RASSF10: variants seen among roughly 807,000 people sequenced by gnomAD.
The protein encoded by RASSF10 is Ras association domain family member 10.
A neutral mutation model predicts 41.5 loss-of-function variants in RASSF10; 22 were observed. The observed-to-expected ratio is 0.53, with a 90% CI of 0.38 to 0.76. RASSF10 has a LOEUF of 0.76. Ranked by LOEUF, RASSF10 falls within the 30% of genes least tolerant of loss-of-function variation. The pLI is 0.00. For synonymous variants in RASSF10, 364 were observed against 319.0 expected, an observed-to-expected ratio of 1.14 and a Z score of -1.50; for missense variants, 776 against 711.8, an observed-to-expected ratio of 1.09 and a Z score of -1.03.
Position 13,010,524 on chromosome 11 carries a change from G to T in RASSF10, c.948G>T (p.Ala316=), listed in dbSNP as rs1949569701. Residue 316 remains alanine (A), a synonymous_variant, in exon 1 of 1, where the codon GCG becomes GCT. Transcript: ENST00000529419. This position sits in a 1 kb window ranked among gnomAD's most constrained non-coding sequence, Gnocchi z 4.8. ...AAPPLAGEAQ[A]AALEELARRC... Reference sequence around the variant, plus strand: ...CCCCTCTAGCCGGCGAGGCGCAGGCGGCGGCGCTGGAGGAGCTGGCCCGGC... The same window carrying T: ...CCCCTCTAGCCGGCGAGGCGCAGGCTGCGGCGCTGGAGGAGCTGGCCCGGC... The T allele has an allele frequency of 6.6e-7, 1 of 1,519,794 alleles. No individual in the cohort carries two copies. Among genetic ancestry groups the T allele is most frequent in the Admixed American group, 2.1e-5 (1 of 46,638 alleles). 94.1% of individuals were successfully genotyped at this position (1,519,794 alleles called of 1,614,324 possible). A position where few individuals can be genotyped will look rare whatever the true frequency, so the allele number is the denominator to read the frequency against.
Position 13,010,403 on chromosome 11 carries a change from C to G in RASSF10, c.827C>G (p.Thr276Ser). Residue 276 changes from threonine (T) to serine (S), a missense_variant, in exon 1 of 1, where the codon ACT becomes AGT. Transcript: ENST00000529419. This position sits in a 1 kb window ranked among gnomAD's most constrained non-coding sequence, Gnocchi z 4.8. ...CACGGGGTCAACTACGTGCAGGACA[C>G]TTACTTGGTTGGGGCAGGCATCGAG... is the stretch of plus-strand genomic sequence containing the variant. ...RRHGVNYVQD[T>S]YLVGAGIELD... 6.5e-7 allele frequency: 1 copy of G among 1,549,750 alleles called. No individual in the cohort carries two copies. Among genetic ancestry groups the G allele is most frequent in the East Asian group, 2.4e-5 (1 of 40,848 alleles).
At position 13,010,621 on chromosome 11, in the gene RASSF10, G is replaced by A; in HGVS notation, c.1045G>A (p.Glu349Lys). Residue 349 changes from glutamate (E) to lysine (K), a missense_variant, in exon 1 of 1, where the codon GAG becomes AAG. By Grantham distance (56) the Glu-to-Lys change is moderately conservative (BLOSUM62 1). Transcript: ENST00000529419. The surrounding 1 kb of genome is among the most constrained non-coding windows in gnomAD (Gnocchi z 4.8). ...GGAGTTGCTGGAGCGCCTTTCAGCC[G>A]AGATTCAGGAGGAACTCAACCAGAG... is the stretch of plus-strand genomic sequence containing the variant. ...QEELLERLSA[E>K]IQEELNQRWM... 1 of 1,588,962 alleles carries A rather than the reference G, an allele frequency of 6.3e-7. No individual in the cohort carries two copies. The highest frequency in any genetic ancestry group is 1.1e-5 in the South Asian group (1 of 87,140).
Position 13,011,423 on chromosome 11 carries a change from A to C in RASSF10, c.*323A>C. On this transcript the variant is annotated 3_prime_UTR_variant, in exon 1 of 1. Coordinates refer to ENST00000529419, the MANE Select transcript of RASSF10 (RefSeq NM_001080521.3). Reference sequence around the variant, plus strand: ...CCCATTTTCAAAGTAAGGAAGTATAATGGAGATTTCGCTACTCTTCTGTAT... The same window carrying C: ...CCCATTTTCAAAGTAAGGAAGTATACTGGAGATTTCGCTACTCTTCTGTAT... 4.0e-6 allele frequency: 1 copy of C among 252,900 alleles called. No individual in the cohort carries two copies. The allele number at this position is 252,900 out of a possible 1,614,324, so 15.7% of individuals were successfully genotyped here.
chr11:13,010,466 T>TGGCGGCGGAGGCGGAGGAGGC lies in RASSF10; in HGVS notation c.899_919dup (p.Glu300_Ala306dup), dbSNP rs1554957248. On this transcript the variant is annotated inframe_insertion, in exon 1 of 1. Coordinates refer to ENST00000529419, the MANE Select transcript of RASSF10 (RefSeq NM_001080521.3). The surrounding 1 kb of genome is among the most constrained non-coding windows in gnomAD (Gnocchi z 4.8). ...AGACCGGGAGAGGAGCCAGAAGAGG[T>TGGCGGCGGAGGCGGAGGAGGC]GGCGGCGGAGGCGGAGGAGGCGGCG... 10 of 1,527,640 alleles carry TGGCGGCGGAGGCGGAGGAGGC rather than the reference T, an allele frequency of 6.5e-6. No individual in the cohort carries two copies. Among genetic ancestry groups the TGGCGGCGGAGGCGGAGGAGGC allele is most frequent in the African/African-American group, 5.6e-5 (4 of 72,054 alleles). The allele number at this position is 1,527,640 out of a possible 1,614,324, so 94.6% of individuals were successfully genotyped here.
Position 13,011,855 on chromosome 11 carries a change from A to G in RASSF10, c.*755A>G, listed in dbSNP as rs1460621072. ...TGAGATATAAAATCCTGGCAAACAT[A>G]ATCGTGGTTAAAATTTAATCTGGGC... On this transcript the variant is annotated 3_prime_UTR_variant, in exon 1 of 1. Coordinates refer to ENST00000529419, the MANE Select transcript of RASSF10 (RefSeq NM_001080521.3). 1 of 152,242 alleles carries G rather than the reference A, an allele frequency of 6.6e-6. No individual in the cohort carries two copies. Among genetic ancestry groups the G allele is most frequent in the Non-Finnish European group, 1.5e-5 (1 of 68,026 alleles). 9.4% of individuals were successfully genotyped at this position (152,242 alleles called of 1,614,324 possible).
rs769592152 is a variant in RASSF10 at position 13,009,373 on chromosome 11, C to A, written c.-204C>A. On this transcript the variant is annotated 5_prime_UTR_variant, in exon 1 of 1. Transcript: ENST00000529419. ...CGTTGCCCCGGGAGCGCCCGTCGTCCGGGCAGAGCGCAGCCGCAACCGCGA... is the reference window on the plus strand; with the variant it reads ...CGTTGCCCCGGGAGCGCCCGTCGTCAGGGCAGAGCGCAGCCGCAACCGCGA... 9.6e-6 allele frequency: 12 copies of A among 1,245,352 alleles called. No homozygotes were observed. Among genetic ancestry groups the A allele is most frequent in the Non-Finnish European group, 9.0e-6 (8 of 892,356 alleles). The allele number at this position is 1,245,352 out of a possible 1,614,324, so 77.1% of individuals were successfully genotyped here.
rs10603579 is a variant in RASSF10 at position 13,011,132 on chromosome 11, AG to A, written c.*37del. 1.0e-5 allele frequency: 2 copies of A among 194,466 alleles called. 1 individual carries two copies. The highest frequency in any genetic ancestry group is 2.1e-5 in the Non-Finnish European group (2 of 95,978). The allele number at this position is 194,466 out of a possible 1,614,324, so 12.0% of individuals were successfully genotyped here. On this transcript the variant is annotated 3_prime_UTR_variant, in exon 1 of 1. Coordinates refer to ENST00000529419, the MANE Select transcript of RASSF10 (RefSeq NM_001080521.3). The stretch of plus-strand genomic sequence containing the variant: ...GGGGCGGGGGGCGGGGGGCGGGAAC[AG>A]GGGGATTCTTTTTTCTTGCAGAATG...
rs1319869549 is a variant in RASSF10 at position 13,011,259 on chromosome 11, C to G, written c.*159C>G. Reference sequence around the variant, plus strand: ...GCGCAGCCTCGCGCTCATCTGGCTCCGGGGTGAGTGCAGAGCAGGGTGAGG... The same window carrying G: ...GCGCAGCCTCGCGCTCATCTGGCTCGGGGGTGAGTGCAGAGCAGGGTGAGG... On this transcript the variant is annotated 3_prime_UTR_variant, in exon 1 of 1. Transcript: ENST00000529419. The G allele has an allele frequency of 9.6e-6, 6 of 622,096 alleles. No homozygotes were observed. The highest frequency in any genetic ancestry group is 9.2e-5 in the African/African-American group (5 of 54,226). 38.5% of individuals were successfully genotyped at this position (622,096 alleles called of 1,614,324 possible).
In RASSF10 at chr11:13,009,352, G is replaced by A. The variant is rs556160669; in HGVS notation, c.-225G>A. On this transcript the variant is annotated 5_prime_UTR_variant, in exon 1 of 1. Transcript: ENST00000529419. ...GGCGGGAGCCGGTCCTGGGCGCGTT[G>A]CCCCGGGAGCGCCCGTCGTCCGGGC... The A allele has an allele frequency of 1.2e-5, 13 of 1,052,900 alleles. 1 individual carries two copies. Among genetic ancestry groups the A allele is most frequent in the South Asian group, 9.9e-5 (7 of 70,898 alleles). The allele number at this position is 1,052,900 out of a possible 1,614,324, so 65.2% of individuals were successfully genotyped here. A position where few individuals can be genotyped will look rare whatever the true frequency, so the allele number is the denominator to read the frequency against.
In RASSF10 at chr11:13,009,759, G is replaced by T; in HGVS notation, c.183G>T (p.Pro61=). 6.3e-7 allele frequency: 1 copy of T among 1,596,372 alleles called. No individual in the cohort carries two copies. The highest frequency in any genetic ancestry group is 2.3e-5 in the East Asian group (1 of 43,980). ...RLGSAGDPHG[P]GELPEPPNED... is the part of the protein sequence containing the mutation. ...GGTCGGCCGGCGACCCGCATGGCCCGGGAGAGCTGCCCGAACCCCCGAACG... is the reference window on the plus strand; with the variant it reads ...GGTCGGCCGGCGACCCGCATGGCCCTGGAGAGCTGCCCGAACCCCCGAACG... Residue 61 remains proline (P), a synonymous_variant, in exon 1 of 1, where the codon CCG becomes CCT. Transcript: ENST00000529419.
In RASSF10 at chr11:13,010,064, G is replaced by C; in HGVS notation, c.488G>C (p.Arg163Pro). 6.5e-7 allele frequency: 1 copy of C among 1,547,102 alleles called. No individual in the cohort carries two copies. ...RPCPARGAPARPSLAMTQEKQ... is the reference protein window; with the variant it reads ...RPCPARGAPAPPSLAMTQEKQ... Reference sequence around the variant, plus strand: ...TGTCCGGCCCGCGGGGCCCCGGCGCGGCCCAGCCTGGCCATGACCCAGGAG... The same window carrying C: ...TGTCCGGCCCGCGGGGCCCCGGCGCCGCCCAGCCTGGCCATGACCCAGGAG... The change falls in exon 1 of 1, where the codon CGG becomes CCG. Residue 163 changes from arginine (R) to proline (P), a missense_variant. Physicochemically the swap from Arg to Pro is moderately radical, Grantham distance 103. Transcript: ENST00000529419. This position sits in a 1 kb window ranked among gnomAD's most constrained non-coding sequence, Gnocchi z 4.8.
chr11:13,011,104 TG>T lies in RASSF10; in HGVS notation c.*10del. ...CATGTGCGAATCCCTTGTGTAGGGG[TG>T]GGGGGCGGGGGGCGGGGGGCGGGAA... On this transcript the variant is annotated 3_prime_UTR_variant, in exon 1 of 1. Transcript: ENST00000529419. 1.3e-4 allele frequency: 4 copies of T among 30,592 alleles called. No individual in the cohort carries two copies. Among genetic ancestry groups the T allele is most frequent in the Admixed American group, 1.1e-3 (1 of 952 alleles). The allele number at this position is 30,592 out of a possible 1,614,324, so 1.9% of individuals were successfully genotyped here. A position where few individuals can be genotyped will look rare whatever the true frequency, so the allele number is the denominator to read the frequency against.
rs1048012564 is a variant in RASSF10, at chr11:13,012,069, A to G, written c.*969A>G. On this transcript the variant is annotated 3_prime_UTR_variant, in exon 1 of 1. Coordinates refer to ENST00000529419, the MANE Select transcript of RASSF10 (RefSeq NM_001080521.3). Reference sequence around the variant, plus strand: ...AGATGTTTTAGTGTTCAGCTTTTAAATTGAGCTATGTGATTAAAACCAACC... The same window carrying G: ...AGATGTTTTAGTGTTCAGCTTTTAAGTTGAGCTATGTGATTAAAACCAACC... The G allele has an allele frequency of 6.6e-6, 1 of 152,360 alleles. No individual in the cohort carries two copies. The highest frequency in any genetic ancestry group is 1.9e-4 in the East Asian group (1 of 5,186). 9.4% of individuals were successfully genotyped at this position (152,360 alleles called of 1,614,324 possible).
chr11:13,010,768 C>G lies in RASSF10; in HGVS notation c.1192C>G (p.Leu398Val), dbSNP rs927993234. 1 of 1,608,836 alleles carries G rather than the reference C, an allele frequency of 6.2e-7. No homozygotes were observed. The highest frequency in any genetic ancestry group is 2.2e-5 in the East Asian group (1 of 44,658). ...GGTCAGGACGCAGCTCAGTACCAGC[C>G]TTTACATTGGGCTGCGGCTCAACAC... ...ERVRTQLSTS[L>V]YIGLRLNTDL... Residue 398 changes from leucine (L) to valine (V), a missense_variant, in exon 1 of 1, where the codon CTT becomes GTT. Physicochemically the swap from Leu to Val is conservative, Grantham distance 32. Coordinates refer to ENST00000529419, the MANE Select transcript of RASSF10 (RefSeq NM_001080521.3). This position sits in a 1 kb window ranked among gnomAD's most constrained non-coding sequence, Gnocchi z 4.8.
At position 13,009,817 on chromosome 11, in the gene RASSF10, C is replaced by G; in HGVS notation, c.241C>G (p.Gln81Glu). The change falls in exon 1 of 1, where the codon CAG becomes GAG. Residue 81 changes from glutamine (Q) to glutamate (E), a missense_variant. Transcript: ENST00000529419. ...CGAGGACGACGACGAGGCGCTGCCG[C>G]AGGGCATGCTGTGCGGGCCCCCGCA... ...DDEDDDEALP[Q>E]GMLCGPPQCY... 1 of 1,607,512 alleles carries G rather than the reference C, an allele frequency of 6.2e-7. No individual in the cohort carries two copies.
Position 13,010,781 on chromosome 11 carries a change from T to A in RASSF10, c.1205T>A (p.Leu402Gln). 8 of 1,611,090 alleles carry A rather than the reference T, an allele frequency of 5.0e-6. No homozygotes were observed. The highest frequency in any genetic ancestry group is 6.8e-6 in the Non-Finnish European group (8 of 1,178,704). The change falls in exon 1 of 1, where the codon CTG becomes CAG. Residue 402 changes from leucine (L) to glutamine (Q), a missense_variant. Physicochemically the swap from Leu to Gln is moderately radical, Grantham distance 113. Transcript: ENST00000529419. This position sits in a 1 kb window ranked among gnomAD's most constrained non-coding sequence, Gnocchi z 4.8. The part of the protein sequence containing the change: ...TQLSTSLYIG[L>Q]RLNTDLEAVK... ...CTCAGTACCAGCCTTTACATTGGGC[T>A]GCGGCTCAACACGGACCTAGAGGCC...
Position 13,010,720 on chromosome 11 carries a change from G to A in RASSF10, c.1144G>A (p.Glu382Lys), listed in dbSNP as rs1374292568. The change falls in exon 1 of 1, where the codon GAG (glutamate) becomes AAG (lysine). Residue 382 changes from glutamate (E) to lysine (K), a missense_variant. Physicochemically the swap from Glu to Lys is moderately conservative, Grantham distance 56 (BLOSUM62 1). Coordinates refer to ENST00000529419, the MANE Select transcript of RASSF10 (RefSeq NM_001080521.3). The surrounding 1 kb of genome is among the most constrained non-coding windows in gnomAD (Gnocchi z 4.8). ...PLEPDGGPDGELLLEQERVRT... is the reference protein window; with the variant it reads ...PLEPDGGPDGKLLLEQERVRT... ...GGAGCCCGACGGTGGCCCCGACGGC[G>A]AGCTGCTGCTGGAGCAGGAACGGGT... The A allele has an allele frequency of 1.9e-6, 3 of 1,596,426 alleles. No individual in the cohort carries two copies. Among genetic ancestry groups the A allele is most frequent in the East Asian group, 4.5e-5 (2 of 44,096 alleles).
At position 13,009,779 on chromosome 11, in the gene RASSF10, C is replaced by T; in HGVS notation, c.203C>T (p.Pro68Leu). 1.2e-6 allele frequency: 2 copies of T among 1,604,264 alleles called. No individual in the cohort carries two copies. Among genetic ancestry groups the T allele is most frequent in the South Asian group, 1.1e-5 (1 of 89,748 alleles). The part of the protein sequence containing the change: ...PHGPGELPEP[P>L]NEDDEDDDEA... ...GGCCCGGGAGAGCTGCCCGAACCCC[C>T]GAACGAGGACGACGAGGACGACGAC... Residue 68 changes from proline to leucine, a missense_variant, in exon 1 of 1, where the codon CCG (proline) becomes CTG (leucine). By Grantham distance (98) the Pro-to-Leu change is moderately conservative. Coordinates refer to ENST00000529419, the MANE Select transcript of RASSF10 (RefSeq NM_001080521.3).
In RASSF10 at chr11:13,009,696, C is replaced by T. The variant is rs1565016488; in HGVS notation, c.120C>T (p.Cys40=). ...DVVRVLLEDG[C]RRRRRQRRSR... is the part of the protein sequence containing the mutation. ...TGCGAGTGCTTTTGGAGGACGGCTG[C>T]CGGCGGCGACGGAGACAGCGGCGGA... Residue 40 remains cysteine, a synonymous_variant, in exon 1 of 1, where the codon TGC becomes TGT. Coordinates refer to ENST00000529419, the MANE Select transcript of RASSF10 (RefSeq NM_001080521.3). The T allele has an allele frequency of 6.3e-7, 1 of 1,594,562 alleles. No individual in the cohort carries two copies. The highest frequency in any genetic ancestry group is 8.5e-7 in the Non-Finnish European group (1 of 1,170,744).
Sources: gnomAD v4.1 joint callset for allele counts on GRCh38, gnomAD v4.1.1 for gene constraint, Gnocchi (gnomAD v3.1) non-coding constraint, MANE v1.5 for transcripts, NCBI Gene and HGNC (gene_info 2026-07-23, HGNC 2026-07-21) for gene names.